NUP153: variants seen among roughly 807,000 people sequenced by gnomAD.
The protein encoded by NUP153 is nuclear pore complex protein Nup153.
Under a neutral mutation model 134.6 loss-of-function variants are expected in NUP153, and 27 were observed. The ratio of observed to expected loss-of-function variants is 0.20; its 90% CI spans 0.15 to 0.28. NUP153 has a LOEUF of 0.28. Ranked by LOEUF, NUP153 falls within the 10% of genes least tolerant of loss-of-function variation. The pLI is 1.00. For missense variants in NUP153, 1,821 were observed against 1,731.3 expected (o/e 1.05, Z -0.92); for synonymous variants, 640 against 623.5 (o/e 1.03, Z -0.40).
intron 5 of NUP153, among the ~76,000 whole-genome samples, chr6:17,672,421 A>C (rs1488167086): frequency 6.6e-6 from 1 of 151,888 alleles, no homozygotes; most frequent in Non-Finnish European, 1.5e-5. Context: ...CTACCAAAAA[A>C]AAAATTTAGC....
rs201275623 is a variant in NUP153 at position 17,625,979 on chromosome 6, C to T, written c.3730G>A (p.Ala1244Thr). The T allele has an allele frequency of 7.3e-5, 118 of 1,614,162 alleles. No homozygotes were observed. The Middle Eastern group carries it at 1.2e-3, about 16-fold the overall frequency. ...PVSSSAFGNT[A>T]ESSTSQSLLF... ...AAAGACTGAGAGGTGCTGGATTCAG[C>T]AGTGTTACCAAAGGCAGAGCTGCTC... The change falls in exon 19 of 22, where the codon GCT becomes ACT. Residue 1244 changes from alanine to threonine, a missense_variant. Ala to Thr is a moderately conservative substitution (Grantham distance 58). Coordinates refer to ENST00000262077, the MANE Select transcript of NUP153 (RefSeq NM_005124.4). This position sits in a 1 kb window ranked among gnomAD's most constrained non-coding sequence, Gnocchi z 4.7.
chr6:17,677,732 CTTTTT>C (rs10719164), intron 2 of NUP153, among the ~76,000 whole-genome samples: 6 of 92,782 alleles, frequency 6.5e-5, no homozygotes, highest in African/African-American at 2.4e-4. Flanking sequence ...TTTTTTTTTC[CTTTTT>C]TTTTTTTTTT....
intron 1 of NUP153, among the ~76,000 whole-genome samples, chr6:17,698,072 A>C (rs1769780970): frequency 1.3e-5 from 2 of 152,128 alleles, no homozygotes; most frequent in Admixed American, 1.3e-4. Flanking sequence ...AAATAGTTTC[A>C]CTGGATCTTT....
At chr6:17,629,705 G>C (rs1230989038) in intron 17 of NUP153, among the ~76,000 whole-genome samples, 166 bp from the exon 18 acceptor site, 1 of 152,216 alleles carries the variant, frequency 6.6e-6, no homozygotes, top group African/African-American at 2.4e-5. Flanking sequence ...CCTATATTTA[G>C]TCGGTATGAG....
chr6:17,678,212 C>A (rs962108991), intron 2 of NUP153, among the ~76,000 whole-genome samples: 1 of 151,704 alleles, frequency 6.6e-6, no homozygotes, highest in Non-Finnish European at 1.5e-5. Flanking sequence ...AAAAATTACC[C>A]GGGCATGGTG....
At chr6:17,636,936 G>A (rs1354366335) in intron 16 of NUP153, among the ~76,000 whole-genome samples, 1 of 152,152 alleles carries the variant, frequency 6.6e-6, no homozygotes, top group Non-Finnish European at 1.5e-5. Flanking sequence ...AAAAGAGGAG[G>A]TCGTCATATA....
intron 20 of NUP153, 44 bp from the exon 21 acceptor site, chr6:17,616,739 A>G: frequency 1.3e-6 from 2 of 1,566,944 alleles, no homozygotes; most frequent in Non-Finnish European, 1.7e-6. Flanking sequence ...GCAAAATGAT[A>G]GGTTTTTTTG....
intron 14 of NUP153, 131 bp downstream of exon 14, chr6:17,645,936 T>C (rs1412960656): frequency 2.0e-5 from 9 of 448,386 alleles, no homozygotes; most frequent in Non-Finnish European, 8.1e-6. Flanking sequence ...TAATAGTGCC[T>C]GCTTGCTTTT....
At chr6:17,637,105 T>A in intron 16 of NUP153, 48 bp downstream of exon 16, 1 of 1,528,898 alleles carries the variant, frequency 6.5e-7, no homozygotes, top group Non-Finnish European at 8.9e-7. Flanking sequence ...AATTAAACTG[T>A]TCAACAGAAG....
rs71002249 is a variant in NUP153 at position 17,701,844 on chromosome 6, G to GAAA, written c.111+4430_111+4432dup. 1.6e-3 allele frequency among the ~76,000 whole-genome samples: 128 copies of GAAA among 81,752 alleles called. 13 individuals carry two copies. Among genetic ancestry groups the GAAA allele is most frequent in the South Asian group, 0.012 (27 of 2,300 alleles). 53.6% of individuals were successfully genotyped at this position (81,752 alleles called of 152,430 possible). A position where few individuals can be genotyped will look rare whatever the true frequency, so the allele number is the denominator to read the frequency against. ...CAAGACTCTGTCTCGGGGGGGGGGG[G>GAAA]AAAAAAGCTAAATGCAGGAACTGAC... On this transcript the variant is annotated intron_variant, in intron 1 of 21. Transcript: ENST00000262077.
chr6:17,620,185 C>T (rs1451970055), intron 20 of NUP153, among the ~76,000 whole-genome samples: 3 of 146,054 alleles, frequency 2.1e-5, no homozygotes, highest in Non-Finnish European at 3.0e-5. Flanking sequence ...ATAGCTAAAG[C>T]AATCCTGAGC....
chr6:17,698,004 A>G (rs1334716984), intron 1 of NUP153, among the ~76,000 whole-genome samples: 1 of 152,118 alleles, frequency 6.6e-6, no homozygotes, highest in East Asian at 1.9e-4. Flanking sequence ...AGTTCTGTTC[A>G]ACTCCCTTTT....
rs566883935 is a variant in NUP153 at position 17,662,949 on chromosome 6, T to C, written c.1216-879A>G. Among the ~76,000 whole-genome samples, 6 of 152,258 alleles carry C rather than the reference T, an allele frequency of 3.9e-5. No homozygotes were observed. The East Asian group carries it at 1.2e-3, about 29-fold the overall frequency. On this transcript the variant is annotated intron_variant, in intron 9 of 21. Coordinates refer to ENST00000262077, the MANE Select transcript of NUP153 (RefSeq NM_005124.4). ...CAAGAACAAAAAACAAAAGGAACTG[T>C]TCTAGACTAAAGGAGATGAAGAGAC...
intron 1 of NUP153, among the ~76,000 whole-genome samples, chr6:17,691,530 C>T (rs1479086430): frequency 2.6e-5 from 4 of 152,086 alleles, no homozygotes; most frequent in African/African-American, 7.2e-5. Context: ...TTTGGGAGGC[C>T]GAGTCTGGTG....
chr6:17,669,778 A>AT (rs1393708086), intron 5 of NUP153, among the ~76,000 whole-genome samples: 2 of 152,154 alleles, frequency 1.3e-5, no homozygotes, highest in Admixed American at 1.3e-4. Flanking sequence ...CAAAAGAATG[A>AT]TAAGACAGCA....
chr6:17,676,934 T>C (rs1768256016), intron 2 of NUP153, among the ~76,000 whole-genome samples: 1 of 152,042 alleles, frequency 6.6e-6, no homozygotes, highest in African/African-American at 2.4e-5. Flanking sequence ...GCAGCTGCTA[T>C]GGAGTTGAGA....
chr6:17,645,413 C>T (rs1360971858), intron 14 of NUP153, among the ~76,000 whole-genome samples: 1 of 151,812 alleles, frequency 6.6e-6, no homozygotes, highest in Admixed American at 6.6e-5. Context: ...CCCACTTCAG[C>T]ATCCCAGGTA....
At chr6:17,624,177 G>A (rs1764796079) in intron 20 of NUP153, among the ~76,000 whole-genome samples, 1 of 152,104 alleles carries the variant, frequency 6.6e-6, no homozygotes. Context: ...CAACTCAGCG[G>A]GACTGCCCCA....
At chr6:17,618,855 T>C (rs13437531) in intron 20 of NUP153, among the ~76,000 whole-genome samples, 2,555 of 152,282 alleles carry the variant, frequency 0.017, 66 homozygotes, top group African/African-American at 0.056. Flanking sequence ...CGTGAGCCAC[T>C]GCGCCCAGCA....
Sources: gnomAD v4.1 joint callset for allele counts (sites outside exome capture counted in the v4.1 genomes callset) on GRCh38, gnomAD v4.1.1 for gene constraint, Gnocchi (gnomAD v3.1) non-coding constraint, MANE v1.5 for transcripts, NCBI Gene and HGNC (gene_info 2026-07-23, HGNC 2026-07-21) for gene names.